KLF12: variants seen among roughly 807,000 people sequenced by gnomAD.
KLF12 encodes Krueppel-like factor 12.
Under a neutral mutation model 37.8 loss-of-function variants are expected in KLF12, and 9 were observed. That is an observed-to-expected ratio of 0.24 (90% CI 0.14 to 0.42). KLF12 has a LOEUF of 0.42. Among genes scored for constraint, KLF12 ranks in the 10% least tolerant of loss-of-function variants. The probability of loss-of-function intolerance (pLI) is 1.00; values close to 1 mark genes in which losing one functional copy is unlikely to be tolerated. For missense variants in KLF12, 411 were observed against 516.0 expected (o/e 0.80, Z 1.97); for synonymous variants, 208 against 202.1 (o/e 1.03, Z -0.25).
intron 1 of KLF12, among the ~76,000 whole-genome samples, chr13:74,039,248 A>G (rs986710621): frequency 3.3e-5 from 5 of 152,206 alleles, no homozygotes; most frequent in African/African-American, 7.2e-5. Context: ...TTAAGACAAT[A>G]TAATTCTCAG....
chr13:73,949,667 C>T (rs1305236919), intron 2 of KLF12, among the ~76,000 whole-genome samples: 4 of 152,196 alleles, frequency 2.6e-5, no homozygotes, highest in Non-Finnish European at 4.4e-5. Flanking sequence ...TGCCTCTCAG[C>T]ATTACATTTA....
At chr13:74,163,651 C>T in the KLF12 span, among the ~76,000 whole-genome samples, 124,683 of 152,042 alleles carry the variant, frequency 0.82, 51,391 homozygotes, top group East Asian at 1. Flanking sequence ...TAAGACCTAC[C>T]ATTTGACAGC....
chr13:73,714,947 T>G (rs1875686362), intron 7 of KLF12, among the ~76,000 whole-genome samples: 1 of 152,220 alleles, frequency 6.6e-6, no homozygotes, highest in Non-Finnish European at 1.5e-5. Flanking sequence ...ATTTTTTATT[T>G]TTCAGTTGTT....
rs540952704 is a variant in KLF12, at chr13:73,962,831, T to C, written c.34-18761A>G. On this transcript the variant is annotated intron_variant, in intron 2 of 7. Coordinates refer to ENST00000377669, the MANE Select transcript of KLF12 (RefSeq NM_007249.5). ...GTACTATAATTAATATTTAGACATA[T>C]GTAAAAACACTAGTGCCTAAAAGTA... is the stretch of plus-strand genomic sequence containing the variant. Among the ~76,000 whole-genome samples, 15 of 152,316 alleles carry C rather than the reference T, an allele frequency of 9.8e-5. No individual in the cohort carries two copies. In the South Asian group the frequency reaches 2.9e-3, roughly 29 times the overall value.
At chr13:74,162,314 A>C in the KLF12 span, among the ~76,000 whole-genome samples, 1 of 152,234 alleles carries the variant, frequency 6.6e-6, no homozygotes, top group Non-Finnish European at 1.5e-5. Context: ...ATGACACTAC[A>C]AAGGAAGCCT....
the KLF12 span, among the ~76,000 whole-genome samples, chr13:74,237,600 T>C: frequency 6.7e-6 from 1 of 150,292 alleles, no homozygotes; most frequent in African/African-American, 2.5e-5. Context: ...CATTTGTTTG[T>C]ATCCTCGTTT....
At chr13:73,707,379 G>C (rs1875031787) in intron 7 of KLF12, among the ~76,000 whole-genome samples, 1 of 152,200 alleles carries the variant, frequency 6.6e-6, no homozygotes, top group African/African-American at 2.4e-5. Flanking sequence ...GGGCCAAAGA[G>C]ATTGAAACTT....
the KLF12 span, among the ~76,000 whole-genome samples, chr13:74,302,833 G>A: frequency 6.6e-6 from 1 of 152,054 alleles, no homozygotes; most frequent in Admixed American, 6.6e-5. Flanking sequence ...AAAGGAGGTG[G>A]GGGTGCTGCT....
intron 3 of KLF12, among the ~76,000 whole-genome samples, chr13:73,927,933 C>CTGCA (rs1458863080): frequency 6.7e-6 from 1 of 150,138 alleles, no homozygotes; most frequent in African/African-American, 2.5e-5. Context: ...TCTCGGCTCA[C>CTGCA]TGCAACCTCC....
chr13:74,189,811 G>A, the KLF12 span, among the ~76,000 whole-genome samples: 7 of 150,798 alleles, frequency 4.6e-5, no homozygotes, highest in East Asian at 1.9e-4. Context: ...AATTGTTTTC[G>A]ACTAGTTGAA....
At chr13:74,110,838 A>T (rs1876928583) in intron 1 of KLF12, among the ~76,000 whole-genome samples, 1 of 152,220 alleles carries the variant, frequency 6.6e-6, no homozygotes, top group Non-Finnish European at 1.5e-5. Flanking sequence ...TATGAGTACT[A>T]CATGAAGCCC....
At position 73,930,339 on chromosome 13, in the gene KLF12, T is replaced by C. The variant is rs538401438; in HGVS notation, c.123+13642A>G. Among the ~76,000 whole-genome samples the C allele has an allele frequency of 2.0e-5, 3 of 152,346 alleles. No individual in the cohort carries two copies. The South Asian group carries it at 6.2e-4, about 32-fold the overall frequency. On this transcript the variant is annotated intron_variant, in intron 3 of 7. Coordinates refer to ENST00000377669, the MANE Select transcript of KLF12 (RefSeq NM_007249.5). ...TGGCCACATCATATGTCATACATTA[T>C]TTTTGCCTCTTACAGTTTTCTTATA...
At chr13:74,260,487 G>A in the KLF12 span, among the ~76,000 whole-genome samples, 1,293 of 151,388 alleles carry the variant, frequency 8.5e-3, 17 homozygotes, top group African/African-American at 0.029. Context: ...CCAGGAGTTC[G>A]AGGTTATAGT....
At chr13:74,009,327 T>A (rs1268782733) in intron 1 of KLF12, among the ~76,000 whole-genome samples, 5 of 152,188 alleles carry the variant, frequency 3.3e-5, no homozygotes, top group Admixed American at 1.3e-4. Flanking sequence ...GGCAGTGTGG[T>A]AAGTACTTTA....
chr13:73,807,213 G>A (rs1484287312), intron 5 of KLF12, among the ~76,000 whole-genome samples: 1 of 152,006 alleles, frequency 6.6e-6, no homozygotes, highest in Non-Finnish European at 1.5e-5. Context: ...GGATGCTGAG[G>A]CAGGAGAATC....
chr13:74,219,167 G>A, the KLF12 span, among the ~76,000 whole-genome samples: 11 of 152,070 alleles, frequency 7.2e-5, no homozygotes, highest in African/African-American at 2.7e-4. Flanking sequence ...CATTGGCCAG[G>A]CTGGTCCTGA....
At chr13:74,140,320 C>T in the KLF12 span, among the ~76,000 whole-genome samples, 6 of 151,846 alleles carry the variant, frequency 4.0e-5, no homozygotes, top group Non-Finnish European at 7.4e-5. Context: ...GCCATAAGTT[C>T]GAAACCAGCC....
At chr13:73,749,691 G>A (rs1287636879) in intron 6 of KLF12, among the ~76,000 whole-genome samples, 1 of 152,102 alleles carries the variant, frequency 6.6e-6, no homozygotes, top group Non-Finnish European at 1.5e-5. Context: ...CAGAGGGAAG[G>A]CCAAAAACGT....
intron 2 of KLF12, among the ~76,000 whole-genome samples, chr13:73,964,576 T>C (rs950618299): frequency 3.4e-5 from 5 of 147,174 alleles, no homozygotes; most frequent in African/African-American, 5.1e-5. Flanking sequence ...AAGACCATCC[T>C]GGCTAACATG....
Sources: gnomAD v4.1 joint callset for allele counts (sites outside exome capture counted in the v4.1 genomes callset) on GRCh38, gnomAD v4.1.1 for gene constraint, MANE v1.5 for transcripts, NCBI Gene and HGNC (gene_info 2026-07-23, HGNC 2026-07-21) for gene names.